Variants in KLHL7 observed in about 807,000 individuals in gnomAD.
KLHL7 encodes kelch-like protein 7.
Under a neutral mutation model 67.4 loss-of-function variants are expected in KLHL7, and 44 were observed. The observed-to-expected ratio is 0.65, with a 90% CI of 0.51 to 0.84. The LOEUF (loss-of-function observed/expected upper bound fraction) is 0.84, where lower values mean the gene tolerates loss of function less well. KLHL7 is among the 40% of genes least tolerant of loss of function. The probability of loss-of-function intolerance (pLI) is 0.00; values close to 1 mark genes in which losing one functional copy is unlikely to be tolerated. For synonymous variants in KLHL7, 252 were observed against 243.3 expected (o/e 1.04, Z -0.33); for missense variants, 362 against 718.1 (o/e 0.50, Z 5.67).
At chr7:23,142,265 C>G (rs961140513) in intron 5 of KLHL7, among the ~76,000 whole-genome samples, 4 of 152,116 alleles carry the variant, frequency 2.6e-5, no homozygotes, top group Admixed American at 1.3e-4. Context: ...ATATTTTAAG[C>G]CACTAAGTTT....
chr7:23,128,355 G>C (rs891706244), intron 4 of KLHL7, among the ~76,000 whole-genome samples: 2 of 149,422 alleles, frequency 1.3e-5, no homozygotes, highest in Admixed American at 6.7e-5. Flanking sequence ...TGCAGTGTGA[G>C]GTAGGAGTTC....
At chr7:23,169,545 T>C (rs1372930319) in intron 9 of KLHL7, among the ~76,000 whole-genome samples, 8 of 152,180 alleles carry the variant, frequency 5.3e-5, no homozygotes, top group Non-Finnish European at 1.2e-4. Context: ...ATTCTGCTAA[T>C]TATTTTTTAT....
chr7:23,144,677 T>C (rs1784301063), intron 6 of KLHL7, among the ~76,000 whole-genome samples: 1 of 152,212 alleles, frequency 6.6e-6, no homozygotes, highest in African/African-American at 2.4e-5. Flanking sequence ...TCTTCTTGGA[T>C]CCTGGCTGTC....
intron 10 of KLHL7, 74 bp downstream of exon 10, chr7:23,173,119 T>G: frequency 9.8e-7 from 1 of 1,025,182 alleles, no homozygotes. Context: ...TGAAGCATTT[T>G]TAAAAATCTA....
In KLHL7 at chr7:23,140,918, ACT is replaced by A; in HGVS notation, c.595_596del (p.Leu199AspfsTer10). On this transcript the variant is annotated frameshift_variant, in exon 5 of 11. Coordinates refer to ENST00000339077, the MANE Select transcript of KLHL7 (RefSeq NM_001031710.3). LOFTEE classifies it high-confidence loss of function. ...KRVTHLLNQDTLTVRAEDQVY... is the reference protein window; with the variant it reads ...KRVTHLLNQDXLTVRAEDQVY... ...AGTAACACATCTTCTCAACCAGGAC[ACT>A]CTGACTGTGAGAGCAGAGGATCAGG... is the stretch of plus-strand genomic sequence containing the variant. The A allele has an allele frequency of 3.1e-6, 5 of 1,614,026 alleles. No homozygotes were observed. The highest frequency in any genetic ancestry group is 3.4e-6 in the Non-Finnish European group (4 of 1,180,006).
intron 9 of KLHL7, chr7:23,172,671 G>A (rs1447437305): frequency 3.5e-6 from 1 of 288,006 alleles, no homozygotes; most frequent in African/African-American, 2.2e-5. Context: ...CTCAGGAAAT[G>A]GATTTCCTCT....
At chr7:23,169,989 C>T (rs1292323322) in intron 9 of KLHL7, among the ~76,000 whole-genome samples, 2 of 152,134 alleles carry the variant, frequency 1.3e-5, no homozygotes, top group Non-Finnish European at 1.5e-5. Context: ...GCTGGTGGAT[C>T]GTCTAAGGTC....
chr7:23,126,075 T>C (rs1783562910), intron 4 of KLHL7: 2 of 613,530 alleles, frequency 3.3e-6, no homozygotes, highest in East Asian at 6.3e-5. Context: ...CTCTTATATT[T>C]TGGGGCCATT....
chr7:23,107,337 A>G (rs976856949), intron 1 of KLHL7, among the ~76,000 whole-genome samples: 7 of 152,214 alleles, frequency 4.6e-5, no homozygotes, highest in African/African-American at 1.7e-4. Flanking sequence ...TGTATCTACA[A>G]TACCACAGAC....
At chr7:23,164,162 A>G (rs941959573) in intron 7 of KLHL7, among the ~76,000 whole-genome samples, 1 of 138,580 alleles carries the variant, frequency 7.2e-6, no homozygotes, top group Non-Finnish European at 1.5e-5. Flanking sequence ...TCCCCACCCC[A>G]CCCCCCGCCA....
chr7:23,123,797 C>G lies in KLHL7; in HGVS notation c.141C>G (p.Ile47Met), dbSNP rs139162761. Residue 47 changes from isoleucine (I) to methionine (M), a missense_variant, in exon 2 of 11, where the codon ATC becomes ATG. Transcript: ENST00000339077. Reference sequence around the variant, plus strand: ...ATTAGAAAACGTTGTGTGACGTGATCCTCATGGTCCAGGAAAGAAAGATAC... The same window carrying G: ...ATTAGAAAACGTTGTGTGACGTGATGCTCATGGTCCAGGAAAGAAAGATAC... ...MRKQKTLCDV[I>M]LMVQERKIPA... is the part of the protein sequence containing the mutation. 92 of 1,613,130 alleles carry G rather than the reference C, an allele frequency of 5.7e-5. No individual in the cohort carries two copies. The African/African-American group carries it at 1.1e-3, about 20-fold the overall frequency.
chr7:23,170,881 T>A (rs1416066014), intron 9 of KLHL7, among the ~76,000 whole-genome samples: 1 of 151,414 alleles, frequency 6.6e-6, no homozygotes, highest in African/African-American at 2.4e-5. Flanking sequence ...TGACACAGTT[T>A]GAGCGGTCAG....
chr7:23,110,029 G>A (rs946671076), intron 1 of KLHL7, among the ~76,000 whole-genome samples: 1 of 152,164 alleles, frequency 6.6e-6, no homozygotes, highest in African/African-American at 2.4e-5. Context: ...CTTTGTGCAA[G>A]GCTCCAAGCA....
Position 23,143,987 on chromosome 7 carries a change from T to C in KLHL7, c.755T>C (p.Leu252Pro). The C allele has an allele frequency of 6.2e-7, 1 of 1,614,044 alleles. No homozygotes were observed. Residue 252 changes from leucine to proline, a missense_variant, in exon 6 of 11, where the codon CTT (leucine) becomes CCT (proline). Leu to Pro is a moderately conservative substitution (Grantham distance 98, BLOSUM62 -3). This residue lies in a region of KLHL7 where 155 missense variants were observed against 280.8 expected (regional missense o/e 0.55). Transcript: ENST00000339077. ...FLSKTVQAEP[L>P]IQDNPECLKM... ...AGTAAAACGGTACAAGCTGAACCACTTATTCAAGACAATCCTGAATGCCTT... is the reference window on the plus strand; with the variant it reads ...AGTAAAACGGTACAAGCTGAACCACCTATTCAAGACAATCCTGAATGCCTT...
chr7:23,164,204 C>CAAAA (rs59830094), intron 7 of KLHL7, among the ~76,000 whole-genome samples: 6 of 134,228 alleles, frequency 4.5e-5, no homozygotes, highest in African/African-American at 1.4e-4. Flanking sequence ...CTATAATCAG[C>CAAAA]AAAAAAAAAA....
Position 23,162,154 on chromosome 7 carries a change from A to G in KLHL7, c.937-3544A>G, listed in dbSNP as rs559773766. ...TTTGTTCTTTCTAGTAGGCCATGAA[A>G]GACTTTTAGAGAAGCAGTGCAGGGG... On this transcript the variant is annotated intron_variant, in intron 7 of 10. Transcript: ENST00000339077. 6.2e-4 allele frequency among the ~76,000 whole-genome samples: 94 copies of G among 152,330 alleles called. 1 individual carries two copies. Among genetic ancestry groups the G allele is most frequent in the African/African-American group, 2.2e-3 (92 of 41,588 alleles).
Position 23,168,041 on chromosome 7 carries a change from T to C in KLHL7, c.1379+4T>C, listed in dbSNP as rs1343780448. 6.2e-7 allele frequency: 1 copy of C among 1,611,698 alleles called. No homozygotes were observed. The highest frequency in any genetic ancestry group is 8.5e-7 in the Non-Finnish European group (1 of 1,177,814). ...TTTATGATCCTGCCACAGAAACGTA[T>C]GTATCTATTTAAAATTTATTTTACA... is the stretch of plus-strand genomic sequence containing the variant. On this transcript the variant is annotated splice_donor_region_variant and intron_variant, in intron 9 of 10. Transcript: ENST00000339077.
chr7:23,114,509 C>T (rs1172383808), intron 1 of KLHL7, among the ~76,000 whole-genome samples: 1 of 152,096 alleles, frequency 6.6e-6, no homozygotes, highest in Non-Finnish European at 1.5e-5. Context: ...CACCAAAGCC[C>T]CACCCCAAAC....
rs900960320 is a variant in KLHL7, at chr7:23,106,417, C to T, written c.120+271C>T. 15 of 1,298,926 alleles carry T rather than the reference C, an allele frequency of 1.2e-5. No individual in the cohort carries two copies. The Admixed American group carries it at 3.9e-4, about 34-fold the overall frequency. 80.5% of individuals were successfully genotyped at this position (1,298,926 alleles called of 1,614,324 possible). On this transcript the variant is annotated intron_variant, in intron 1 of 10. Coordinates refer to ENST00000339077, the MANE Select transcript of KLHL7 (RefSeq NM_001031710.3). ...CAGGCTGGCTTTCGCCGTCGGGTAT[C>T]GGTTGTGTAACAGCTCTGCCCTAGT...
Sources: gnomAD v4.1 joint callset for allele counts (sites outside exome capture counted in the v4.1 genomes callset) on GRCh38, gnomAD v4.1.1 for gene constraint, gnomAD v4.1.1 regional missense constraint, MANE v1.5 for transcripts, NCBI Gene and HGNC (gene_info 2026-07-23, HGNC 2026-07-21) for gene names.